ENTREP2: variants seen among roughly 807,000 people sequenced by gnomAD.
ENTREP2 encodes endosomal transmembrane epsin interactor 2.
chr15:29,339,165 G>A, the ENTREP2 span, among the ~76,000 whole-genome samples: 3 of 152,234 alleles, frequency 2.0e-5, no homozygotes, highest in South Asian at 2.1e-4. Context: ...GAGTTGGCAC[G>A]AGATAGGGCC....
At chr15:29,515,573 C>T in the ENTREP2 span, among the ~76,000 whole-genome samples, 1 of 152,154 alleles carries the variant, frequency 6.6e-6, no homozygotes, top group African/African-American at 2.4e-5. Context: ...TCTGCTGGCA[C>T]CTGAATGAGC....
At chr15:29,584,418 A>G in the ENTREP2 span, among the ~76,000 whole-genome samples, 1 of 143,664 alleles carries the variant, frequency 7.0e-6, no homozygotes. Context: ...GGATGAAGGA[A>G]TTTTTTAAAT....
At chr15:29,653,704 A>T in the ENTREP2 span, among the ~76,000 whole-genome samples, 2 of 152,040 alleles carry the variant, frequency 1.3e-5, no homozygotes, top group Non-Finnish European at 2.9e-5. Context: ...AGTCAATTAA[A>T]CCTCTTTCCT....
At chr15:29,237,622 G>GT in the ENTREP2 span, among the ~76,000 whole-genome samples, 8 of 152,154 alleles carry the variant, frequency 5.3e-5, no homozygotes, top group African/African-American at 1.9e-4. Context: ...ATACTACTTT[G>GT]TACCCACTAG....
At chr15:29,212,617 C>T in the ENTREP2 span, among the ~76,000 whole-genome samples, 17 of 152,068 alleles carry the variant, frequency 1.1e-4, no homozygotes, top group African/African-American at 3.9e-4. Flanking sequence ...TTGATGCAGG[C>T]GTTTAGGGCT....
At chr15:29,543,999 T>C in the ENTREP2 span, among the ~76,000 whole-genome samples, 1 of 151,770 alleles carries the variant, frequency 6.6e-6, no homozygotes, top group East Asian at 1.9e-4. Flanking sequence ...AATACAACTG[T>C]ATTTTATATT....
the ENTREP2 span, among the ~76,000 whole-genome samples, chr15:29,184,096 T>C: frequency 6.6e-6 from 1 of 152,162 alleles, no homozygotes; most frequent in Non-Finnish European, 1.5e-5. Flanking sequence ...GTGATTCTCC[T>C]GCCTCAGCCT....
the ENTREP2 span, among the ~76,000 whole-genome samples, chr15:29,627,836 T>C: frequency 3.3e-5 from 5 of 152,242 alleles, no homozygotes; most frequent in Non-Finnish European, 5.9e-5. Context: ...TTTTTAAGAC[T>C]GGATAATAAT....
chr15:29,239,789 C>T, the ENTREP2 span, among the ~76,000 whole-genome samples: 1 of 152,102 alleles, frequency 6.6e-6, no homozygotes, highest in Non-Finnish European at 1.5e-5. Flanking sequence ...TTGACGTGGC[C>T]AGCAAGGAAG....
the ENTREP2 span, among the ~76,000 whole-genome samples, chr15:29,548,589 C>T: frequency 5.3e-5 from 8 of 151,542 alleles, no homozygotes; most frequent in East Asian, 1.9e-4. Context: ...CATCACATAC[C>T]TAAGAAAAAC....
the ENTREP2 span, among the ~76,000 whole-genome samples, chr15:29,621,116 G>A: frequency 1.3e-5 from 2 of 151,890 alleles, no homozygotes; most frequent in Non-Finnish European, 2.9e-5. Flanking sequence ...GCGGCCAGGC[G>A]CAGTGGCTCA....
the ENTREP2 span, among the ~76,000 whole-genome samples, chr15:29,302,732 C>T: frequency 3.9e-5 from 6 of 152,124 alleles, no homozygotes; most frequent in African/African-American, 7.2e-5. Flanking sequence ...GAAAGAAGAA[C>T]GGTTTTGGAA....
At chr15:29,136,387 C>T in the ENTREP2 span, 54 of 1,513,360 alleles carry the variant, frequency 3.6e-5, no homozygotes, top group Middle Eastern at 3.4e-4. Flanking sequence ...GGGGCTGGCC[C>T]ACCACCGCCT....
chr15:29,201,974 T>C, the ENTREP2 span, among the ~76,000 whole-genome samples: 1 of 152,348 alleles, frequency 6.6e-6, no homozygotes, highest in African/African-American at 2.4e-5. Flanking sequence ...ATTCAAATTC[T>C]CTACTTCATA....
At chr15:29,291,144 C>T in the ENTREP2 span, among the ~76,000 whole-genome samples, 85 of 152,332 alleles carry the variant, frequency 5.6e-4, no homozygotes, top group East Asian at 4.2e-3. Context: ...TCATTACCTC[C>T]CTTCCCACAC....
chr15:29,372,435 C>T, the ENTREP2 span, among the ~76,000 whole-genome samples: 87 of 152,240 alleles, frequency 5.7e-4, no homozygotes, highest in African/African-American at 2.0e-3. Flanking sequence ...ATCAGTAAGG[C>T]TTCCAGTCGG....
chr15:29,357,093 A>G, the ENTREP2 span, among the ~76,000 whole-genome samples: 2 of 152,206 alleles, frequency 1.3e-5, no homozygotes, highest in Non-Finnish European at 2.9e-5. Context: ...AGGTCATGGT[A>G]AAAAACAGAT....
the ENTREP2 span, chr15:29,137,309 T>C: frequency 3.2e-6 from 3 of 946,516 alleles, no homozygotes; most frequent in Non-Finnish European, 4.5e-6. Flanking sequence ...TAATTTCAAC[T>C]GTCAAGCCAT....
the ENTREP2 span, among the ~76,000 whole-genome samples, chr15:29,172,410 G>A: frequency 6.6e-6 from 1 of 152,144 alleles, no homozygotes; most frequent in Non-Finnish European, 1.5e-5. Context: ...GACAGGAAGG[G>A]AAGAGTGTCT....
Sources: gnomAD v4.1 joint callset for allele counts (sites outside exome capture counted in the v4.1 genomes callset) on GRCh38, gnomAD v4.1.1 for gene constraint, MANE v1.5 for transcripts, NCBI Gene and HGNC (gene_info 2026-07-23, HGNC 2026-07-21) for gene names.